Variants in ICE1 observed in about 807,000 individuals in gnomAD.
ICE1 encodes interactor of little elongation complex ELL subunit 1, also known as little elongation complex subunit 1.
ICE1 carries 64 observed loss-of-function variants against 192.7 expected under a neutral mutation model. That is an observed-to-expected ratio of 0.33 (90% confidence interval 0.27 to 0.41). ICE1 has a LOEUF of 0.41. Among genes scored for constraint, ICE1 ranks in the 10% least tolerant of loss-of-function variants. ICE1 has a pLI of 1.00. For synonymous variants in ICE1, 1,010 were observed against 984.5 expected (o/e 1.03, Z -0.49); for missense variants, 2,708 against 2,696.0 (o/e 1.00, Z -0.10).
chr5:5,423,715 G>A (rs918025203), intron 1 of ICE1, among the ~76,000 whole-genome samples: 1 of 152,126 alleles, frequency 6.6e-6, no homozygotes, highest in Admixed American at 6.5e-5. Context: ...CATTTCCCAC[G>A]ACTCTCCTAG....
intron 12 of ICE1, 123 bp from the exon 13 acceptor site, chr5:5,460,313 T>C: frequency 1.4e-6 from 1 of 719,986 alleles, no homozygotes; most frequent in Non-Finnish European, 2.2e-6. Flanking sequence ...AGCCTGCCCC[T>C]GCTCAAACGT....
intron 7 of ICE1, among the ~76,000 whole-genome samples, chr5:5,446,832 A>C (rs1738240430): frequency 6.6e-6 from 1 of 152,216 alleles, no homozygotes; most frequent in South Asian, 2.1e-4. Flanking sequence ...ATATGAGCAT[A>C]GTTATGTAAA....
intron 4 of ICE1, 34 bp from the exon 5 acceptor site, chr5:5,441,078 C>A: frequency 7.8e-7 from 1 of 1,284,090 alleles, no homozygotes; most frequent in Non-Finnish European, 1.1e-6. Context: ...GTTATAGATC[C>A]TTTTCTGTAA....
intron 1 of ICE1, among the ~76,000 whole-genome samples, chr5:5,431,413 A>G (rs1737707074): frequency 6.6e-6 from 1 of 152,164 alleles, no homozygotes; most frequent in Non-Finnish European, 1.5e-5. Flanking sequence ...ACGCAGCAGC[A>G]TTCTGAGGGC....
intron 1 of ICE1, among the ~76,000 whole-genome samples, chr5:5,423,884 T>C (rs757566246): frequency 3.9e-5 from 6 of 152,212 alleles, no homozygotes; most frequent in Non-Finnish European, 8.8e-5. Flanking sequence ...GATGCATATG[T>C]GTGAATAAGG....
At chr5:5,425,773 AG>A (rs1050051926) in intron 1 of ICE1, among the ~76,000 whole-genome samples, 2 of 152,308 alleles carry the variant, frequency 1.3e-5, no homozygotes, top group South Asian at 4.1e-4. Context: ...GATGGATTGA[AG>A]GGGGGTGCAA....
chr5:5,456,458 ATTAC>A (rs1371361438), intron 11 of ICE1, among the ~76,000 whole-genome samples: 1 of 152,078 alleles, frequency 6.6e-6, no homozygotes, highest in Non-Finnish European at 1.5e-5. Flanking sequence ...TCTACCATTT[ATTAC>A]TTGTTTACAT....
intron 10 of ICE1, among the ~76,000 whole-genome samples, chr5:5,453,935 T>C (rs1738506464): frequency 6.6e-6 from 1 of 152,204 alleles, no homozygotes; most frequent in Non-Finnish European, 1.5e-5. Flanking sequence ...TATAAAAGTA[T>C]GTGCTTCTCT....
chr5:5,458,575 G>A (rs1453454167), intron 12 of ICE1, among the ~76,000 whole-genome samples: 3 of 152,332 alleles, frequency 2.0e-5, no homozygotes, highest in Non-Finnish European at 4.4e-5. Flanking sequence ...GTTTTAAGGT[G>A]TGAGTGGGGT....
Position 5,478,353 on chromosome 5 carries a change from A to G in ICE1, c.6520+2274A>G. ...AGAGCTAAATCATGTGTGAACTCCC[A>G]TTCATAATTGCTACAAAGAGAATAA... is the stretch of plus-strand genomic sequence containing the variant. On this transcript the variant is annotated intron_variant, in intron 17 of 18. Coordinates refer to ENST00000296564, the MANE Select transcript of ICE1 (RefSeq NM_015325.3). Among the ~76,000 whole-genome samples the G allele has an allele frequency of 1.3e-5, 2 of 152,248 alleles. 1 individual carries two copies. The highest frequency in any genetic ancestry group is 4.8e-5 in the African/African-American group (2 of 41,466).
chr5:5,450,411 A>G (rs1738378488), intron 10 of ICE1, among the ~76,000 whole-genome samples: 1 of 152,204 alleles, frequency 6.6e-6, no homozygotes, highest in Non-Finnish European at 1.5e-5. Context: ...AAGATATTAG[A>G]GAAAATAACA....
Position 5,444,331 on chromosome 5 carries a change from G to A in ICE1, c.424+5G>A. The A allele has an allele frequency of 6.4e-7, 1 of 1,563,992 alleles. No individual in the cohort carries two copies. The highest frequency in any genetic ancestry group is 8.7e-7 in the Non-Finnish European group (1 of 1,151,814). On this transcript the variant is annotated splice_donor_5th_base_variant and intron_variant, in intron 7 of 18. Transcript: ENST00000296564. ...CTAAGGTGAAGAAGCTGCAAGGTAA[G>A]TGGCACTATTGTTACCTGAAGTTTT... is the stretch of plus-strand genomic sequence containing the variant.
chr5:5,482,868 G>C (rs1258804138), intron 17 of ICE1, among the ~76,000 whole-genome samples: 2 of 150,962 alleles, frequency 1.3e-5, no homozygotes, highest in African/African-American at 4.9e-5. Context: ...GAACTTTCTT[G>C]CCATTTCTGA....
At chr5:5,460,193 T>A (rs534980087) in intron 12 of ICE1, among the ~76,000 whole-genome samples, 12 of 151,596 alleles carry the variant, frequency 7.9e-5, no homozygotes, top group African/African-American at 2.7e-4. Flanking sequence ...CTTGGAAGCA[T>A]GTCTGTTATT....
chr5:5,445,061 G>A (rs980181789), intron 7 of ICE1, among the ~76,000 whole-genome samples: 2 of 152,158 alleles, frequency 1.3e-5, no homozygotes, highest in Admixed American at 6.5e-5. Flanking sequence ...GGACTGCAGC[G>A]GGCATCTTAC....
At chr5:5,471,498 GAAAA>G (rs887836535) in intron 15 of ICE1, among the ~76,000 whole-genome samples, 7 of 152,096 alleles carry the variant, frequency 4.6e-5, no homozygotes, top group South Asian at 4.2e-4. Flanking sequence ...ATAAGAAAGA[GAAAA>G]AAGCCAGTTT....
At chr5:5,434,482 T>C (rs949377370) in intron 1 of ICE1, among the ~76,000 whole-genome samples, 1 of 151,810 alleles carries the variant, frequency 6.6e-6, no homozygotes, top group African/African-American at 2.4e-5. Context: ...TGTGTGTATG[T>C]TTATAAGTGA....
Position 5,464,541 on chromosome 5 carries a change from C to T in ICE1, c.5207C>T (p.Ser1736Phe). 1.2e-6 allele frequency: 2 copies of T among 1,613,858 alleles called. No homozygotes were observed. The highest frequency in any genetic ancestry group is 1.1e-5 in the South Asian group (1 of 91,062). Residue 1736 changes from serine (S) to phenylalanine (F), a missense_variant, in exon 13 of 19, where the codon TCT becomes TTT. By Grantham distance (155) the Ser-to-Phe change is radical. This residue lies in a region of ICE1 where 2,366 missense variants were observed against 2,276.6 expected (regional missense o/e 1.04). Coordinates refer to ENST00000296564, the MANE Select transcript of ICE1 (RefSeq NM_015325.3). The surrounding 1 kb of genome is among the most constrained non-coding windows in gnomAD (Gnocchi z 4.0). ...PVPGRLPPCA[S>F]GHAAVGGPQE... Reference sequence around the variant, plus strand: ...CCTGGCCGACTCCCACCCTGTGCATCTGGCCACGCTGCTGTGGGAGGGCCT... The same window carrying T: ...CCTGGCCGACTCCCACCCTGTGCATTTGGCCACGCTGCTGTGGGAGGGCCT...
intron 15 of ICE1, among the ~76,000 whole-genome samples, chr5:5,472,292 C>T (rs984419720): frequency 1.3e-5 from 2 of 152,108 alleles, no homozygotes; most frequent in Non-Finnish European, 2.9e-5. Flanking sequence ...TGTTTACAAA[C>T]TTAATTACAT....
Sources: gnomAD v4.1 joint callset for allele counts (sites outside exome capture counted in the v4.1 genomes callset) on GRCh38, gnomAD v4.1.1 for gene constraint, gnomAD v4.1.1 regional missense constraint, Gnocchi (gnomAD v3.1) non-coding constraint, MANE v1.5 for transcripts, NCBI Gene and HGNC (gene_info 2026-07-23, HGNC 2026-07-21) for gene names.